Variants in SLC18A2 observed in about 807,000 individuals in gnomAD.
The protein encoded by SLC18A2 is solute carrier family 18 member A2, also known as synaptic vesicular amine transporter.
In SLC18A2, 33 loss-of-function variants were observed where a neutral mutation model predicts 59.2. That is an observed-to-expected ratio of 0.56 (90% CI 0.42 to 0.75). The LOEUF is 0.75. SLC18A2 is among the 30% of genes least tolerant of loss of function. The pLI, the probability that SLC18A2 is intolerant of heterozygous loss-of-function variation, is 0.00. For missense variants in SLC18A2, 569 were observed against 668.6 expected, an observed-to-expected ratio of 0.85 and a Z score of 1.64; for synonymous variants, 228 against 253.5, an observed-to-expected ratio of 0.90 and a Z score of 0.95.
At chr10:117,247,241 CA>C (rs898403724) in intron 3 of SLC18A2, among the ~76,000 whole-genome samples, 2 of 152,144 alleles carry the variant, frequency 1.3e-5, no homozygotes, top group African/African-American at 4.8e-5. Context: ...GTGTTGTAAA[CA>C]AATGTGTTTA....
intron 15 of SLC18A2, among the ~76,000 whole-genome samples, chr10:117,274,985 A>G (rs959456082): frequency 2.0e-5 from 3 of 152,176 alleles, no homozygotes; most frequent in African/African-American, 7.2e-5. Flanking sequence ...CTGTTGTCAC[A>G]TGAGGACAGG....
rs528494844 is a variant in SLC18A2 at position 117,271,241 on chromosome 10, T to C, written c.1440+778T>C. Reference sequence around the variant, plus strand: ...CCAGGTGAAAGGAGAGTGTCTTGGATTAAGGATGAATGAGGTGAACAAGAG... The same window carrying C: ...CCAGGTGAAAGGAGAGTGTCTTGGACTAAGGATGAATGAGGTGAACAAGAG... On this transcript the variant is annotated intron_variant, in intron 15 of 15. Transcript: ENST00000644641. Among the ~76,000 whole-genome samples, 148 of 152,246 alleles carry C rather than the reference T, an allele frequency of 9.7e-4. 1 individual carries two copies. Among genetic ancestry groups the C allele is most frequent in the African/African-American group, 3.5e-3 (145 of 41,546 alleles).
chr10:117,271,943 C>CTG (rs374181103), intron 15 of SLC18A2, among the ~76,000 whole-genome samples: 21 of 151,944 alleles, frequency 1.4e-4, no homozygotes, highest in South Asian at 1.0e-3. Context: ...TTGTGTGTGT[C>CTG]TGTGTGTGTG....
chr10:117,255,267 C>T lies in SLC18A2; in HGVS notation c.701-10C>T. The T allele has an allele frequency of 6.2e-7, 1 of 1,613,794 alleles. No homozygotes were observed. Among genetic ancestry groups the T allele is most frequent in the East Asian group, 2.2e-5 (1 of 44,866 alleles). On this transcript the variant is annotated splice_polypyrimidine_tract_variant and intron_variant, in intron 6 of 15. Transcript: ENST00000644641. ...CCCAGGGGTGGTGTCCCCACTTTCT[C>T]TCCCTGCAGTGGGCCCCCCCTTCGG...
chr10:117,248,894 G>A (rs1844135269), intron 3 of SLC18A2, among the ~76,000 whole-genome samples: 2 of 152,166 alleles, frequency 1.3e-5, no homozygotes, highest in Admixed American at 1.3e-4. Flanking sequence ...GCTTGTCATT[G>A]TCTCAGTGAT....
chr10:117,248,916 C>T (rs1844135367), intron 3 of SLC18A2, among the ~76,000 whole-genome samples: 1 of 152,190 alleles, frequency 6.6e-6, no homozygotes. Flanking sequence ...TGCTTTTTAT[C>T]AAGCCAGCGT....
chr10:117,267,885 G>A (rs1464084086), intron 13 of SLC18A2, 149 bp downstream of exon 13: 24 of 534,156 alleles, frequency 4.5e-5, no homozygotes, highest in African/African-American at 9.3e-5. Flanking sequence ...ACAGCCTGTC[G>A]ATTCTCCGTG....
At chr10:117,263,223 C>T (rs1844314231) in intron 10 of SLC18A2, among the ~76,000 whole-genome samples, 2 of 152,338 alleles carry the variant, frequency 1.3e-5, no homozygotes, top group Admixed American at 1.3e-4. Flanking sequence ...GCTTTCAGCC[C>T]ATGGCTCCCT....
At chr10:117,258,016 T>C in intron 10 of SLC18A2, 124 bp downstream of exon 10, 1 of 614,766 alleles carries the variant, frequency 1.6e-6, no homozygotes, top group Admixed American at 3.3e-5. Flanking sequence ...TGTTTGACTC[T>C]TAATGGGGTC....
chr10:117,246,583 T>G (rs1176796204), intron 3 of SLC18A2, among the ~76,000 whole-genome samples: 1 of 152,250 alleles, frequency 6.6e-6, no homozygotes, highest in Non-Finnish European at 1.5e-5. Context: ...CCAACTGTTT[T>G]GTCCAGCTAC....
rs1198721452 is a variant in SLC18A2, at chr10:117,269,025, TAC to T, written c.1187-1036_1187-1035del. Reference sequence around the variant, plus strand: ...ACACATACACACACTGACACACGCATACACACACACATACACACATACACCCC... The same window carrying T: ...ACACATACACACACTGACACACGCATACACACACATACACACATACACCCC... On this transcript the variant is annotated intron_variant, in intron 13 of 15. Coordinates refer to ENST00000644641, the MANE Select transcript of SLC18A2 (RefSeq NM_003054.6). The surrounding 1 kb of genome is among the most constrained non-coding windows in gnomAD (Gnocchi z 5.1). Among the ~76,000 whole-genome samples the T allele has an allele frequency of 4.1e-4, 61 of 149,600 alleles. No homozygotes were observed. The highest frequency in any genetic ancestry group is 3.5e-3 in the Middle Eastern group (1 of 288).
chr10:117,274,311 A>G (rs1844460570), intron 15 of SLC18A2, among the ~76,000 whole-genome samples: 1 of 152,174 alleles, frequency 6.6e-6, no homozygotes, highest in Non-Finnish European at 1.5e-5. Context: ...TGAATTGACA[A>G]ATGCTGGTCA....
chr10:117,262,075 T>C (rs1844299293), intron 10 of SLC18A2, among the ~76,000 whole-genome samples: 1 of 152,134 alleles, frequency 6.6e-6, no homozygotes, highest in African/African-American at 2.4e-5. Context: ...ACCCGGCTAA[T>C]TTTGTATTTT....
chr10:117,261,875 C>T (rs536515911), intron 10 of SLC18A2, among the ~76,000 whole-genome samples: 1 of 152,282 alleles, frequency 6.6e-6, no homozygotes, highest in East Asian at 1.9e-4. Context: ...TGTGAATACA[C>T]TAAACATCAC....
Position 117,254,036 on chromosome 10 carries a change from C to A in SLC18A2, c.524-12C>A. ...GCACTGATGTGCGGTCTTGGACCCC[C>A]TCTCTCGGCAGTGTTTGCCTTCTCC... On this transcript the variant is annotated splice_polypyrimidine_tract_variant and intron_variant, in intron 4 of 15. Coordinates refer to ENST00000644641, the MANE Select transcript of SLC18A2 (RefSeq NM_003054.6). 6.2e-7 allele frequency: 1 copy of A among 1,612,732 alleles called. No individual in the cohort carries two copies. The highest frequency in any genetic ancestry group is 8.5e-7 in the Non-Finnish European group (1 of 1,179,888).
chr10:117,260,293 A>G (rs1434384625), intron 10 of SLC18A2, among the ~76,000 whole-genome samples: 2 of 152,148 alleles, frequency 1.3e-5, no homozygotes, highest in Non-Finnish European at 2.9e-5. Flanking sequence ...TTTCATGTTG[A>G]CAGCCTCTGC....
intron 9 of SLC18A2, among the ~76,000 whole-genome samples, chr10:117,257,037 A>G (rs1279768451): frequency 6.6e-6 from 1 of 152,164 alleles, no homozygotes; most frequent in Non-Finnish European, 1.5e-5. Context: ...TGCCATTGAT[A>G]TGCTCTGCCT....
chr10:117,263,291 G>A (rs1477374383), intron 10 of SLC18A2, among the ~76,000 whole-genome samples: 4 of 152,176 alleles, frequency 2.6e-5, no homozygotes, highest in Admixed American at 6.5e-5. Context: ...TGCTGAGGGC[G>A]GGGAGCTGCC....
chr10:117,258,363 C>A (rs558677603), intron 10 of SLC18A2, among the ~76,000 whole-genome samples: 29 of 152,310 alleles, frequency 1.9e-4, no homozygotes, highest in African/African-American at 7.0e-4. Flanking sequence ...CCCAGCCCAT[C>A]TCCTGTGATA....
Sources: allele counts gnomAD v4.1 joint callset (sites outside exome capture counted in the v4.1 genomes callset), GRCh38; gene constraint gnomAD v4.1.1; non-coding constraint Gnocchi (gnomAD v3.1); transcripts MANE v1.5; gene names NCBI Gene and HGNC (gene_info 2026-07-23, HGNC 2026-07-21).